The following ARID5B variants were observed in gnomAD, a reference collection of about 807,000 sequenced individuals.
The protein encoded by ARID5B is AT-rich interaction domain 5B, also known as AT-rich interactive domain-containing protein 5B.
ARID5B carries 13 observed loss-of-function variants against 97.2 expected under a neutral mutation model. That is an observed-to-expected ratio of 0.13 (90% CI 0.09 to 0.21). The LOEUF is 0.21. Among genes scored for constraint, ARID5B ranks in the 10% least tolerant of loss-of-function variants. The pLI is 1.00. For synonymous variants in ARID5B, 556 were observed against 570.3 expected (o/e 0.97, Z 0.36); for missense variants, 1,210 against 1,465.3 (o/e 0.83, Z 2.84).
chr10:62,026,555 A>T (rs1336222724), intron 4 of ARID5B, among the ~76,000 whole-genome samples: 1 of 152,360 alleles, frequency 6.6e-6, no homozygotes, highest in East Asian at 1.9e-4. Context: ...CCGTAGATAA[A>T]GGAATACTTT....
intron 4 of ARID5B, among the ~76,000 whole-genome samples, chr10:62,034,423 C>T (rs761416239): frequency 1.7e-4 from 26 of 152,172 alleles, no homozygotes; most frequent in Non-Finnish European, 2.8e-4. Flanking sequence ...ATAGTTACAT[C>T]CCCTCTGTGC....
At chr10:62,068,532 A>T (rs1174307863) in intron 7 of ARID5B, among the ~76,000 whole-genome samples, 2 of 145,488 alleles carry the variant, frequency 1.4e-5, no homozygotes, top group African/African-American at 2.5e-5. Flanking sequence ...AGGTTTTTTA[A>T]TTTTTTTTTT....
chr10:61,938,962 G>A (rs1375309723), intron 2 of ARID5B, among the ~76,000 whole-genome samples: 1 of 95,484 alleles, frequency 1.0e-5, no homozygotes, highest in African/African-American at 3.8e-5. Flanking sequence ...TCGAATTGGA[G>A]AAGTGTGTGT....
chr10:61,902,791 T>TTCGTGTCTGGCTCGG (rs1843640356), intron 2 of ARID5B, among the ~76,000 whole-genome samples: 1 of 151,988 alleles, frequency 6.6e-6, no homozygotes, highest in Non-Finnish European at 1.5e-5. Context: ...AAAATTTACC[T>TTCGTGTCTGGCTCGG]TCGTGTCTGG....
intron 4 of ARID5B, among the ~76,000 whole-genome samples, chr10:62,021,751 T>C (rs960395060): frequency 2.6e-5 from 4 of 152,184 alleles, no homozygotes; most frequent in Non-Finnish European, 5.9e-5. Flanking sequence ...AAGGCATGAG[T>C]TGGAGCTGTG....
At chr10:62,090,420 C>T (rs1188716446) in intron 9 of ARID5B, among the ~76,000 whole-genome samples, 1 of 152,116 alleles carries the variant, frequency 6.6e-6, no homozygotes, top group Non-Finnish European at 1.5e-5. Flanking sequence ...TGTTGTTTGT[C>T]GTTAACATGG....
In ARID5B at chr10:62,091,906, G is replaced by A. The variant is rs577564002; in HGVS notation, c.2443G>A (p.Glu815Lys). The A allele has an allele frequency of 3.7e-6, 6 of 1,614,070 alleles. No homozygotes were observed. The highest frequency in any genetic ancestry group is 1.1e-5 in the South Asian group (1 of 91,072). ...TCAGGAGGGCAAGGATAAACTCTTA[G>A]AGAAAAGGGCCCTCCCCCATTCCCA... The part of the protein sequence containing the change: ...EIQEGKDKLL[E>K]KRALPHSHMP... The change falls in exon 10 of 10, where the codon GAG becomes AAG. Residue 815 changes from glutamate (E) to lysine (K), a missense_variant. Around this residue, in one of 8 missense-constraint regions of ARID5B, gnomAD observed 800 missense variants for 839.1 expected, o/e 0.95. Coordinates refer to ENST00000279873, the MANE Select transcript of ARID5B (RefSeq NM_032199.3).
intron 3 of ARID5B, among the ~76,000 whole-genome samples, chr10:61,971,360 C>T (rs919313502): frequency 2.0e-5 from 3 of 152,180 alleles, no homozygotes; most frequent in Admixed American, 1.3e-4. Context: ...TAACTTTTTT[C>T]ACAGCCACCC....
intron 2 of ARID5B, among the ~76,000 whole-genome samples, chr10:61,921,808 ACTTTTTTC>A (rs990369661): frequency 3.3e-5 from 5 of 152,028 alleles, no homozygotes; most frequent in Non-Finnish European, 1.5e-5. Context: ...ACTCTGTTTT[ACTTTTTTC>A]CTTTTTTCCC....
intron 4 of ARID5B, among the ~76,000 whole-genome samples, chr10:62,040,910 C>G (rs1269514935): frequency 6.6e-6 from 1 of 152,096 alleles, no homozygotes; most frequent in Non-Finnish European, 1.5e-5. Flanking sequence ...AATGTTTTAT[C>G]TTACAGTGAA....
intron 3 of ARID5B, among the ~76,000 whole-genome samples, chr10:61,962,335 G>T (rs773298912): frequency 1.3e-5 from 2 of 152,176 alleles, no homozygotes; most frequent in Non-Finnish European, 2.9e-5. Context: ...AAAAAACAAA[G>T]GTGAAGGCTC....
At chr10:61,948,272 CTTT>C (rs995785475) in intron 3 of ARID5B, among the ~76,000 whole-genome samples, 3 of 151,890 alleles carry the variant, frequency 2.0e-5, no homozygotes, top group Admixed American at 2.0e-4. Context: ...GTTTTCTCCT[CTTT>C]TTCCTTCTAA....
At chr10:62,032,749 G>A (rs16912976) in intron 4 of ARID5B, among the ~76,000 whole-genome samples, 9 of 152,182 alleles carry the variant, frequency 5.9e-5, no homozygotes, top group South Asian at 2.1e-4. Context: ...ATATTGGATC[G>A]GTGAATATTG....
chr10:62,020,497 C>T (rs1479168134), intron 4 of ARID5B, among the ~76,000 whole-genome samples: 2 of 152,082 alleles, frequency 1.3e-5, no homozygotes, highest in East Asian at 3.9e-4. Context: ...GAATAATCAC[C>T]TCCAACACAA....
intron 4 of ARID5B, among the ~76,000 whole-genome samples, chr10:62,007,139 G>A (rs554630556): frequency 1.3e-5 from 2 of 152,168 alleles, no homozygotes; most frequent in Non-Finnish European, 2.9e-5. Flanking sequence ...GTGCTGGTCT[G>A]GGGTAGTGGT....
At chr10:62,028,789 T>C (rs1839455371) in intron 4 of ARID5B, among the ~76,000 whole-genome samples, 1 of 152,016 alleles carries the variant, frequency 6.6e-6, no homozygotes, top group African/African-American at 2.4e-5. Flanking sequence ...GGCGAAATCC[T>C]GTCTCTACTA....
intron 3 of ARID5B, among the ~76,000 whole-genome samples, chr10:61,963,833 G>GCAC (rs1838507427): frequency 6.6e-6 from 1 of 151,790 alleles, no homozygotes; most frequent in African/African-American, 2.4e-5. Flanking sequence ...TGTGTTCAAG[G>GCAC]CACCGGGGAA....
At chr10:62,076,225 T>C (rs1410511225) in intron 8 of ARID5B, among the ~76,000 whole-genome samples, 1 of 152,118 alleles carries the variant, frequency 6.6e-6, no homozygotes, top group Non-Finnish European at 1.5e-5. Flanking sequence ...TCAAAGGCCG[T>C]ACACACATGG....
intron 2 of ARID5B, among the ~76,000 whole-genome samples, chr10:61,933,527 C>T (rs188297372): frequency 6.6e-6 from 1 of 152,268 alleles, no homozygotes. Flanking sequence ...TAATGATACT[C>T]GTAAGTCAAA....
Sources: gnomAD v4.1 joint callset for allele counts (sites outside exome capture counted in the v4.1 genomes callset) on GRCh38, gnomAD v4.1.1 for gene constraint, gnomAD v4.1.1 regional missense constraint, MANE v1.5 for transcripts, NCBI Gene and HGNC (gene_info 2026-07-23, HGNC 2026-07-21) for gene names.